Variants in CALN1 observed in about 807,000 individuals in gnomAD.
CALN1 encodes calneuron 1, also known as calcium-binding protein 8.
A neutral mutation model predicts 30.6 loss-of-function variants in CALN1; 17 were observed. That is an observed-to-expected ratio of 0.56 (90% CI 0.38 to 0.83). CALN1 has a LOEUF of 0.83. CALN1 is among the 40% of genes least tolerant of loss of function. CALN1 has a pLI of 0.00. For missense variants in CALN1, 291 were observed against 354.9 expected (o/e 0.82, Z 1.45); for synonymous variants, 156 against 131.4 (o/e 1.19, Z -1.28).
intron 5 of CALN1, among the ~76,000 whole-genome samples, chr7:71,879,850 G>A (rs563053906): frequency 1.4e-4 from 22 of 152,298 alleles, no homozygotes; most frequent in African/African-American, 5.3e-4. Flanking sequence ...TCTCACCACT[G>A]TGGTGAGGGA....
At chr7:72,187,423 G>A (rs1049351070) in intron 3 of CALN1, among the ~76,000 whole-genome samples, 4 of 152,180 alleles carry the variant, frequency 2.6e-5, no homozygotes, top group African/African-American at 7.2e-5. Flanking sequence ...GGGCCACACA[G>A]CAGGAGGTGA....
At chr7:72,312,270 G>A (rs985538904) in intron 2 of CALN1, among the ~76,000 whole-genome samples, 3 of 151,942 alleles carry the variant, frequency 2.0e-5, no homozygotes, top group African/African-American at 7.3e-5. Context: ...AGGGTGTGGT[G>A]GTGCATATCT....
At chr7:72,352,796 A>G (rs1285861330) in intron 2 of CALN1, among the ~76,000 whole-genome samples, 3 of 152,114 alleles carry the variant, frequency 2.0e-5, no homozygotes, top group African/African-American at 7.2e-5. Flanking sequence ...GGATGGGGAA[A>G]TCAAATTTAA....
At chr7:72,164,924 G>A (rs1788413669) in intron 3 of CALN1, among the ~76,000 whole-genome samples, 2 of 149,150 alleles carry the variant, frequency 1.3e-5, no homozygotes, top group Non-Finnish European at 3.0e-5. Flanking sequence ...CAGACTCCCG[G>A]CCTCAAGGGA....
chr7:72,143,985 T>C (rs1372097400), intron 3 of CALN1, among the ~76,000 whole-genome samples: 1 of 151,948 alleles, frequency 6.6e-6, no homozygotes, highest in African/African-American at 2.4e-5. Context: ...GCACTAAACA[T>C]GGAAAGGAAC....
chr7:72,447,152 G>A (rs1212020348), upstream of CALN1: 2 of 162,562 alleles, frequency 1.2e-5, no homozygotes, highest in Non-Finnish European at 2.7e-5. Context: ...ATGATGGACC[G>A]GGGCGAGCTT....
chr7:72,312,175 C>G (rs1172134691), intron 2 of CALN1, among the ~76,000 whole-genome samples: 3 of 151,994 alleles, frequency 2.0e-5, no homozygotes, highest in Non-Finnish European at 4.4e-5. Flanking sequence ...AGGCTGAGGC[C>G]AGAGTATCAC....
intron 4 of CALN1, among the ~76,000 whole-genome samples, chr7:72,031,734 ATTTTTTT>A (rs544026184): frequency 1.6e-4 from 18 of 114,682 alleles, no homozygotes; most frequent in East Asian, 4.8e-4. Context: ...CGCCTGGCTA[ATTTTTTT>A]TTTTTTTTTT....
intron 2 of CALN1, among the ~76,000 whole-genome samples, chr7:72,330,733 C>G (rs1801616947): frequency 6.6e-6 from 1 of 152,134 alleles, no homozygotes; most frequent in East Asian, 1.9e-4. Flanking sequence ...ATAAAGTAAC[C>G]TACTTAAATA....
chr7:71,806,989 C>G (rs959940320), intron 6 of CALN1, among the ~76,000 whole-genome samples: 1 of 152,176 alleles, frequency 6.6e-6, no homozygotes, highest in African/African-American at 2.4e-5. Flanking sequence ...CCTGGTGGTC[C>G]TGTAACAGGA....
chr7:72,030,069 T>C (rs905724758), intron 4 of CALN1, among the ~76,000 whole-genome samples: 1 of 152,182 alleles, frequency 6.6e-6, no homozygotes, highest in Non-Finnish European at 1.5e-5. Flanking sequence ...TAGTAACAGA[T>C]AGTAACGGAA....
At chr7:72,230,766 C>T (rs1320228233) in intron 3 of CALN1, among the ~76,000 whole-genome samples, 5 of 152,126 alleles carry the variant, frequency 3.3e-5, no homozygotes, top group South Asian at 2.1e-4. Flanking sequence ...ATAATAAATT[C>T]GTATTCTGTT....
intron 4 of CALN1, among the ~76,000 whole-genome samples, chr7:72,028,420 A>G (rs1801230847): frequency 6.6e-6 from 1 of 152,150 alleles, no homozygotes; most frequent in East Asian, 1.9e-4. Flanking sequence ...CTACAGACCA[A>G]AAGCTGACAA....
intron 3 of CALN1, among the ~76,000 whole-genome samples, chr7:72,144,209 G>C (rs1810176738): frequency 6.6e-6 from 1 of 152,100 alleles, no homozygotes; most frequent in Admixed American, 6.6e-5. Context: ...AGACCCATCA[G>C]TGTGCTGTAT....
chr7:72,068,056 C>A (rs918363613), intron 4 of CALN1, among the ~76,000 whole-genome samples: 1 of 152,130 alleles, frequency 6.6e-6, no homozygotes. Flanking sequence ...TTATCACCAA[C>A]CAATTTGTGC....
intron 5 of CALN1, among the ~76,000 whole-genome samples, chr7:72,013,397 G>A (rs1800202889): frequency 6.6e-6 from 1 of 151,544 alleles, no homozygotes; most frequent in Admixed American, 6.6e-5. Context: ...GACCACAGGT[G>A]CATGACACCA....
upstream of CALN1, among the ~76,000 whole-genome samples, chr7:72,416,959 A>G (rs142010689): frequency 1.3e-5 from 2 of 152,070 alleles, no homozygotes; most frequent in Non-Finnish European, 2.9e-5. Flanking sequence ...GTCCAGGGCA[A>G]GTCAGTGGGG....
chr7:72,092,654 G>C (rs956199970), intron 4 of CALN1, among the ~76,000 whole-genome samples: 1 of 140,876 alleles, frequency 7.1e-6, no homozygotes, highest in African/African-American at 2.6e-5. Context: ...AAAAAAAGGA[G>C]AAGCCTAAAA....
At chr7:72,100,164 G>GT (rs11309480) in intron 4 of CALN1, among the ~76,000 whole-genome samples, 41 of 149,752 alleles carry the variant, frequency 2.7e-4, no homozygotes, top group Non-Finnish European at 5.0e-4. Context: ...GAGTTTTTTT[G>GT]TTTTTTTTTT....
Sources: allele counts gnomAD v4.1 joint callset (sites outside exome capture counted in the v4.1 genomes callset), GRCh38; gene constraint gnomAD v4.1.1; transcripts MANE v1.5; gene names NCBI Gene and HGNC (gene_info 2026-07-23, HGNC 2026-07-21).